The following BDH1 variants were observed in gnomAD, a reference collection of about 807,000 sequenced individuals.
BDH1 encodes 3-hydroxybutyrate dehydrogenase 1.
In BDH1, 30 loss-of-function variants were observed where a neutral mutation model predicts 33.1. The ratio of observed to expected loss-of-function variants is 0.91; its 90% confidence interval spans 0.68 to 1.23. The LOEUF is 1.23. BDH1 is among the 50% of genes most tolerant of loss of function. The pLI is 0.00. For missense variants in BDH1, 443 were observed against 464.4 expected (o/e 0.95, Z 0.42); for synonymous variants, 190 against 183.6 (o/e 1.03, Z -0.28).
intron 3 of BDH1, among the ~76,000 whole-genome samples, chr3:197,541,681 T>G (rs965747470): frequency 6.6e-6 from 1 of 152,156 alleles, no homozygotes; most frequent in African/African-American, 2.4e-5. Flanking sequence ...GGAAGTTCTT[T>G]AAAGTATTCC....
chr3:197,510,709 GTGTGTGTGTACA>G lies in BDH1; in HGVS notation c.*1174_*1185del, dbSNP rs1711927198. 1.6e-5 allele frequency: 2 copies of G among 122,420 alleles called. No individual in the cohort carries two copies. Among genetic ancestry groups the G allele is most frequent in the African/African-American group, 7.2e-5 (2 of 27,718 alleles). The allele number at this position is 122,420 out of a possible 1,614,324, so 7.6% of individuals were successfully genotyped here. A position where few individuals can be genotyped will look rare whatever the true frequency, so the allele number is the denominator to read the frequency against. On this transcript the variant is annotated 3_prime_UTR_variant, in exon 8 of 8. Coordinates refer to ENST00000392379, the MANE Select transcript of BDH1 (RefSeq NM_203314.3). Reference sequence around the variant, plus strand: ...GGTGTGTGTGTGTGTGTGTGTGTGTGTGTGTGTGTACATGTGTGTAAGCACCACGTGAGGCAA... The same window carrying G: ...GGTGTGTGTGTGTGTGTGTGTGTGTGTGTGTGTAAGCACCACGTGAGGCAA...
At position 197,537,635 on chromosome 3, in the gene BDH1, G is replaced by A. The variant is rs541429904; in HGVS notation, c.84-4074C>T. On this transcript the variant is annotated intron_variant, in intron 3 of 7. Coordinates refer to ENST00000392379, the MANE Select transcript of BDH1 (RefSeq NM_203314.3). ...AGCATTCAGTCTCACCCTTAAGTAT[G>A]TTAGCTGAAGGCTTATGGTGTTTAC... 1.8e-4 allele frequency among the ~76,000 whole-genome samples: 28 copies of A among 152,328 alleles called. 1 individual carries two copies. In the South Asian group the frequency reaches 4.8e-3, roughly 26 times the overall value.
chr3:197,563,461 G>A (rs1456503466), intron 1 of BDH1, among the ~76,000 whole-genome samples: 3 of 152,192 alleles, frequency 2.0e-5, no homozygotes, highest in Non-Finnish European at 4.4e-5. Flanking sequence ...GATGGAGTCA[G>A]TTAGGCAAAT....
chr3:197,510,922 G>A lies in BDH1; in HGVS notation c.*973C>T, dbSNP rs1352796634. 6.6e-6 allele frequency: 1 copy of A among 152,074 alleles called. No homozygotes were observed. Among genetic ancestry groups the A allele is most frequent in the African/African-American group, 2.4e-5 (1 of 41,308 alleles). The allele number at this position is 152,074 out of a possible 1,614,324, so 9.4% of individuals were successfully genotyped here. On this transcript the variant is annotated 3_prime_UTR_variant, in exon 8 of 8. Coordinates refer to ENST00000392379, the MANE Select transcript of BDH1 (RefSeq NM_203314.3). Reference sequence around the variant, plus strand: ...GAGCACCTCCACACAAGTCTATCCTGAGTCCTAAAAGAGGATGGAAAAATC... The same window carrying A: ...GAGCACCTCCACACAAGTCTATCCTAAGTCCTAAAAGAGGATGGAAAAATC...
intron 3 of BDH1, chr3:197,543,280 C>T (rs1228868515): frequency 6.2e-6 from 4 of 645,988 alleles, no homozygotes; most frequent in East Asian, 1.4e-4. Context: ...CCATGAATCC[C>T]GCATGTGATG....
intron 1 of BDH1, among the ~76,000 whole-genome samples, chr3:197,572,147 G>A (rs1341652431): frequency 6.6e-6 from 1 of 152,020 alleles, no homozygotes; most frequent in East Asian, 1.9e-4. Context: ...GACCCATTTA[G>A]GATTAAACAA....
chr3:197,555,248 C>A, intron 1 of BDH1: 1 of 154,760 alleles, frequency 6.5e-6, no homozygotes. Context: ...CGGAGGACCC[C>A]GGAGGAGGAG....
Position 197,521,612 on chromosome 3 carries a change from C to T in BDH1, c.409+1028G>A, listed in dbSNP as rs1289470459. Among the ~76,000 whole-genome samples, 1 of 152,162 alleles carries T rather than the reference C, an allele frequency of 6.6e-6. No homozygotes were observed. The highest frequency in any genetic ancestry group is 3.2e-3 in the Middle Eastern group (1 of 316). ...ACCTGCTCTTCTAGCCTGGACATTC[C>T]CTCAGGGTGGGCGCTTCAGTGTCTC... On this transcript the variant is annotated intron_variant, in intron 6 of 7. Coordinates refer to ENST00000392379, the MANE Select transcript of BDH1 (RefSeq NM_203314.3). The surrounding 1 kb of genome is among the most constrained non-coding windows in gnomAD (Gnocchi z 4.9).
At chr3:197,529,661 T>C (rs1714461317) in intron 5 of BDH1, 1 of 152,238 alleles carries the variant, frequency 6.6e-6, no homozygotes, top group Admixed American at 6.5e-5. Flanking sequence ...TAGTATTACT[T>C]TCACAATTCA....
At chr3:197,533,795 C>A in intron 3 of BDH1, 1 of 508,466 alleles carries the variant, frequency 2.0e-6, no homozygotes, top group South Asian at 3.4e-5. Flanking sequence ...AGAATAAAGC[C>A]AATTCTGAAG....
At chr3:197,531,877 T>C (rs1046257214) in intron 5 of BDH1, among the ~76,000 whole-genome samples, 1 of 152,158 alleles carries the variant, frequency 6.6e-6, no homozygotes. Context: ...AGGAGCCTCA[T>C]GCTTTCAAGC....
intron 5 of BDH1, chr3:197,530,241 T>C (rs1214152772): frequency 6.6e-6 from 1 of 152,162 alleles, no homozygotes; most frequent in African/African-American, 2.4e-5. Flanking sequence ...TAGGCACTCA[T>C]GCACTCCTGG....
intron 3 of BDH1, among the ~76,000 whole-genome samples, chr3:197,545,690 C>T (rs912787938): frequency 6.6e-5 from 10 of 152,224 alleles, no homozygotes; most frequent in African/African-American, 2.4e-4. Flanking sequence ...AGTATTCTAT[C>T]AATGGTAATT....
chr3:197,540,192 T>C (rs1361204717), intron 3 of BDH1, among the ~76,000 whole-genome samples: 1 of 151,854 alleles, frequency 6.6e-6, no homozygotes, highest in African/African-American at 2.4e-5. Context: ...CTGGGATTAT[T>C]ATAGGCATGT....
chr3:197,539,002 GAGAC>G, intron 3 of BDH1: 1 of 152,390 alleles, frequency 6.6e-6, no homozygotes, highest in Non-Finnish European at 1.5e-5. Flanking sequence ...GCAAAACACT[GAGAC>G]AGTGAAAGAG....
intron 3 of BDH1, among the ~76,000 whole-genome samples, chr3:197,536,963 T>C (rs1402574106): frequency 6.6e-6 from 1 of 152,006 alleles, no homozygotes; most frequent in African/African-American, 2.4e-5. Flanking sequence ...ACAAATGGTA[T>C]TGTTTTGTTT....
chr3:197,510,647 TGTGTGTGTGTGTGTGTGTGTGTGTA>T lies in BDH1; in HGVS notation c.*1223_*1247del, dbSNP rs1711865925. On this transcript the variant is annotated 3_prime_UTR_variant, in exon 8 of 8. Transcript: ENST00000392379. The stretch of plus-strand genomic sequence containing the variant: ...GTGTGTGTGTGTGTGTGTGTGTGTG[TGTGTGTGTGTGTGTGTGTGTGTGTA>T]CATGTGTGTAAGGTGTGTGTGTGTG... 1.7e-5 allele frequency: 1 copy of T among 58,116 alleles called. No individual in the cohort carries two copies. 3.6% of individuals were successfully genotyped at this position (58,116 alleles called of 1,614,324 possible).
At position 197,523,803 on chromosome 3, in the gene BDH1, A is replaced by G. The variant is rs1713810342; in HGVS notation, c.268-1022T>C. On this transcript the variant is annotated intron_variant, in intron 5 of 7. Coordinates refer to ENST00000392379, the MANE Select transcript of BDH1 (RefSeq NM_203314.3). The surrounding 1 kb of genome is among the most constrained non-coding windows in gnomAD (Gnocchi z 4.5). ...TCCAAAGGCAGTGACAGCTGAGGAC[A>G]TTCACAAGAGGGGGCCGATGGGGAC... Among the ~76,000 whole-genome samples the G allele has an allele frequency of 6.6e-6, 1 of 152,150 alleles. No homozygotes were observed. Among genetic ancestry groups the G allele is most frequent in the African/African-American group, 2.4e-5 (1 of 41,428 alleles).
intron 1 of BDH1, among the ~76,000 whole-genome samples, chr3:197,570,927 G>A (rs1174056269): frequency 4.6e-5 from 7 of 152,324 alleles, no homozygotes; most frequent in Non-Finnish European, 5.9e-5. Context: ...TGCACCATGT[G>A]CCTGGAAAAG....
Sources: gnomAD v4.1 joint callset for allele counts (sites outside exome capture counted in the v4.1 genomes callset) on GRCh38, gnomAD v4.1.1 for gene constraint, Gnocchi (gnomAD v3.1) non-coding constraint, MANE v1.5 for transcripts, NCBI Gene and HGNC (gene_info 2026-07-23, HGNC 2026-07-21) for gene names.